The following RABGAP1L variants were observed in gnomAD, a reference collection of about 807,000 sequenced individuals.
The protein encoded by RABGAP1L is rab GTPase-activating protein 1-like.
Under a neutral mutation model 137.7 loss-of-function variants are expected in RABGAP1L, and 63 were observed. The ratio of observed to expected loss-of-function variants is 0.46; its 90% CI spans 0.37 to 0.56. The LOEUF (loss-of-function observed/expected upper bound fraction) is 0.56. Ranked by LOEUF, RABGAP1L falls within the 20% of genes least tolerant of loss-of-function variation. The probability of loss-of-function intolerance (pLI) is 0.00; values close to 1 mark genes in which losing one functional copy is unlikely to be tolerated. For missense variants in RABGAP1L, 1,095 were observed against 1,244.0 expected (o/e 0.88, Z 1.80); for synonymous variants, 431 against 433.7 (o/e 0.99, Z 0.08).
chr1:174,548,473 G>C (rs988037020), intron 13 of RABGAP1L: 24 of 936,886 alleles, frequency 2.6e-5, no homozygotes, highest in Non-Finnish European at 3.1e-5. Context: ...TAAGATTGGA[G>C]ATAAATTTTA....
At chr1:174,981,189 T>C (rs1035665114) in intron 23 of RABGAP1L, among the ~76,000 whole-genome samples, 4 of 152,220 alleles carry the variant, frequency 2.6e-5, no homozygotes, top group Admixed American at 1.3e-4. Flanking sequence ...CCCATCTGTT[T>C]GAAGATAAGG....
chr1:174,743,983 A>G (rs1421838580), intron 17 of RABGAP1L, among the ~76,000 whole-genome samples: 1 of 146,526 alleles, frequency 6.8e-6, no homozygotes, highest in Non-Finnish European at 1.5e-5. Context: ...TTTTTGGTAT[A>G]TGTTAGTAAA....
chr1:174,666,416 G>A (rs1020031138), intron 14 of RABGAP1L, among the ~76,000 whole-genome samples: 5 of 152,132 alleles, frequency 3.3e-5, no homozygotes, highest in African/African-American at 9.7e-5. Flanking sequence ...TGAAAAAATC[G>A]TGACAGTTCA....
intron 13 of RABGAP1L, chr1:174,545,916 C>G (rs1041158057): frequency 3.9e-5 from 6 of 152,064 alleles, no homozygotes; most frequent in Non-Finnish European, 5.9e-5. Flanking sequence ...TTGCAATGTT[C>G]TGTTATTTCT....
intron 11 of RABGAP1L, among the ~76,000 whole-genome samples, chr1:174,354,828 A>G (rs1683481724): frequency 6.6e-6 from 1 of 152,212 alleles, no homozygotes; most frequent in Admixed American, 6.5e-5. Flanking sequence ...ATCTTGAATT[A>G]AATTTTGTAT....
chr1:174,756,643 A>C (rs1684788735), intron 18 of RABGAP1L, among the ~76,000 whole-genome samples: 1 of 152,112 alleles, frequency 6.6e-6, no homozygotes, highest in African/African-American at 2.4e-5. Context: ...GGGAAGTAGC[A>C]GGGGAAAAAG....
chr1:174,753,359 A>C (rs1490688500), intron 18 of RABGAP1L, among the ~76,000 whole-genome samples: 1 of 152,132 alleles, frequency 6.6e-6, no homozygotes, highest in Non-Finnish European at 1.5e-5. Flanking sequence ...GGACCTCTTG[A>C]TACGTTAGGA....
chr1:174,272,538 C>G, intron 8 of RABGAP1L, 58 bp downstream of exon 8: 1 of 1,412,638 alleles, frequency 7.1e-7, no homozygotes, highest in East Asian at 2.7e-5. Flanking sequence ...TTATATTTGA[C>G]AAGTATTTTC....
At chr1:174,461,855 T>C (rs930353424) in intron 13 of RABGAP1L, among the ~76,000 whole-genome samples, 3 of 152,198 alleles carry the variant, frequency 2.0e-5, no homozygotes, top group African/African-American at 7.2e-5. Flanking sequence ...AGTGGACTTA[T>C]AGGCTCTTTT....
chr1:174,894,413 A>G (rs1656786855), intron 19 of RABGAP1L, among the ~76,000 whole-genome samples: 1 of 152,258 alleles, frequency 6.6e-6, no homozygotes, highest in African/African-American at 2.4e-5. Flanking sequence ...GAACTCTTCA[A>G]AGATTTGAGA....
At chr1:174,652,050 G>C (rs973108763) in intron 14 of RABGAP1L, among the ~76,000 whole-genome samples, 4 of 152,162 alleles carry the variant, frequency 2.6e-5, no homozygotes, top group Non-Finnish European at 5.9e-5. Context: ...AAATCTCTCA[G>C]CATTTGTTTG....
At chr1:174,206,498 G>A (rs1464951623) in intron 1 of RABGAP1L, among the ~76,000 whole-genome samples, 1 of 152,166 alleles carries the variant, frequency 6.6e-6, no homozygotes, top group Non-Finnish European at 1.5e-5. Context: ...GTTAAGAATA[G>A]TTCCCTTTCT....
intron 17 of RABGAP1L, among the ~76,000 whole-genome samples, chr1:174,716,027 C>G (rs1482578003): frequency 6.6e-6 from 1 of 152,242 alleles, no homozygotes; most frequent in South Asian, 2.1e-4. Flanking sequence ...TAACCTAACA[C>G]ATCCTTCCAT....
chr1:174,974,507 A>G (rs951572129), intron 21 of RABGAP1L, among the ~76,000 whole-genome samples: 1 of 152,270 alleles, frequency 6.6e-6, no homozygotes, highest in Non-Finnish European at 1.5e-5. Context: ...GTGACTTACA[A>G]CTTATGAAAA....
chr1:174,338,450 T>C (rs533200247), intron 11 of RABGAP1L, among the ~76,000 whole-genome samples: 1 of 152,110 alleles, frequency 6.6e-6, no homozygotes, highest in African/African-American at 2.4e-5. Flanking sequence ...TGACAAAGAA[T>C]ATATTTTAAT....
intron 13 of RABGAP1L, among the ~76,000 whole-genome samples, chr1:174,394,861 A>T (rs1362885185): frequency 1.3e-5 from 2 of 151,576 alleles, no homozygotes; most frequent in Admixed American, 1.3e-4. Context: ...ATCTGCTGTA[A>T]TTTCTTTTTA....
chr1:174,842,590 TTCAGTC>T (rs1693534079), intron 19 of RABGAP1L, among the ~76,000 whole-genome samples: 1 of 152,134 alleles, frequency 6.6e-6, no homozygotes, highest in Non-Finnish European at 1.5e-5. Flanking sequence ...ATAGAAGAAA[TTCAGTC>T]TCAAAGAGGA....
At chr1:174,975,561 A>G (rs1670571774) in intron 21 of RABGAP1L, among the ~76,000 whole-genome samples, 1 of 152,080 alleles carries the variant, frequency 6.6e-6, no homozygotes, top group Non-Finnish European at 1.5e-5. Context: ...TACCTCAGCT[A>G]GTCTTTGAAT....
chr1:174,346,627 CTTTTT>C (rs965330204), intron 11 of RABGAP1L, among the ~76,000 whole-genome samples: 2 of 150,482 alleles, frequency 1.3e-5, no homozygotes, highest in East Asian at 3.9e-4. Context: ...TGGGGCTTCT[CTTTTT>C]TTTTCTTAGT....
Sources: allele counts gnomAD v4.1 joint callset (sites outside exome capture counted in the v4.1 genomes callset), GRCh38; gene constraint gnomAD v4.1.1; transcripts MANE v1.5; gene names NCBI Gene and HGNC (gene_info 2026-07-23, HGNC 2026-07-21).